The following ZEB1 variants were observed in gnomAD, a reference collection of about 807,000 sequenced individuals.
The protein encoded by ZEB1 is zinc finger E-box-binding homeobox 1.
In ZEB1, 21 loss-of-function variants were observed where a neutral mutation model predicts 84.9. The observed-to-expected ratio is 0.25, with a 90% CI of 0.18 to 0.36. The LOEUF is 0.36. Among genes scored for constraint, ZEB1 ranks in the 10% least tolerant of loss-of-function variants. The pLI, the probability that ZEB1 is intolerant of heterozygous loss-of-function variation, is 1.00. For missense variants in ZEB1, 1,104 were observed against 1,330.2 expected (o/e 0.83, Z 2.65); for synonymous variants, 420 against 471.1 (o/e 0.89, Z 1.41).
chr10:31,461,273 A>G (rs558879783), intron 2 of ZEB1, 36 bp downstream of exon 2: 10 of 1,556,754 alleles, frequency 6.4e-6, no homozygotes, highest in South Asian at 3.5e-5. Flanking sequence ...TTGTATTCTC[A>G]TGATTCGTTT....
intron 2 of ZEB1, among the ~76,000 whole-genome samples, chr10:31,487,014 G>A (rs989884159): frequency 6.6e-6 from 1 of 151,270 alleles, no homozygotes; most frequent in African/African-American, 2.4e-5. Context: ...TTGTTGAAAA[G>A]ACTATTCTTT....
At chr10:31,505,911 G>A (rs1243526279) in intron 4 of ZEB1, among the ~76,000 whole-genome samples, 5 of 151,734 alleles carry the variant, frequency 3.3e-5, no homozygotes, top group Admixed American at 3.3e-4. Flanking sequence ...TAGTGCTTTT[G>A]CTATATTTCA....
At chr10:31,319,164 G>C, upstream of ZEB1, 4 of 1,091,338 alleles carry the variant, frequency 3.7e-6, no homozygotes, top group Non-Finnish European at 5.2e-6. Flanking sequence ...GGGTGGAGGC[G>C]GAGGGGTGGG....
intron 1 of ZEB1, among the ~76,000 whole-genome samples, chr10:31,380,075 A>G (rs1041487756): frequency 4.6e-5 from 7 of 152,128 alleles, no homozygotes; most frequent in Non-Finnish European, 8.8e-5. Flanking sequence ...TCAGAATCCA[A>G]CCAAGATCTG....
At chr10:31,408,651 T>C (rs1258484514) in intron 1 of ZEB1, among the ~76,000 whole-genome samples, 1 of 144,910 alleles carries the variant, frequency 6.9e-6, no homozygotes, top group Non-Finnish European at 1.5e-5. Context: ...GGGAAAGGAT[T>C]CCCTATTTAA....
chr10:31,471,585 G>C (rs905838578), intron 2 of ZEB1, among the ~76,000 whole-genome samples: 6 of 141,354 alleles, frequency 4.2e-5, no homozygotes, highest in Non-Finnish European at 3.1e-5. Context: ...CCTACAAAGA[G>C]ACTTAGACTC....
intron 1 of ZEB1, among the ~76,000 whole-genome samples, chr10:31,405,178 A>T (rs77739873): frequency 8.9e-4 from 135 of 152,246 alleles, no homozygotes; most frequent in Non-Finnish European, 1.4e-3. Flanking sequence ...ACGGACATTT[A>T]AAAAAATGTG....
intron 1 of ZEB1, among the ~76,000 whole-genome samples, chr10:31,384,961 C>T (rs542787153): frequency 2.0e-5 from 3 of 152,216 alleles, no homozygotes; most frequent in South Asian, 2.1e-4. Context: ...GTTTTCACCC[C>T]TTCCCCCCAA....
intron 1 of ZEB1, chr10:31,320,300 G>A (rs949169797): frequency 6.6e-6 from 1 of 152,214 alleles, no homozygotes; most frequent in Non-Finnish European, 1.5e-5. Flanking sequence ...TAGAGACCGG[G>A]AAGCACCACA....
intron 5 of ZEB1, among the ~76,000 whole-genome samples, chr10:31,513,240 A>G (rs1466514044): frequency 6.6e-6 from 1 of 152,144 alleles, no homozygotes; most frequent in East Asian, 1.9e-4. Flanking sequence ...ATGCTTGCTG[A>G]TGGATTGGGT....
At chr10:31,503,693 A>C (rs1227699799) in intron 4 of ZEB1, among the ~76,000 whole-genome samples, 1 of 152,026 alleles carries the variant, frequency 6.6e-6, no homozygotes, top group African/African-American at 2.4e-5. Flanking sequence ...CCAAGAATGT[A>C]TGAGAGTTCC....
chr10:31,414,330 T>C (rs1205326399), intron 1 of ZEB1, among the ~76,000 whole-genome samples: 1 of 152,144 alleles, frequency 6.6e-6, no homozygotes, highest in African/African-American at 2.4e-5. Context: ...ATTAAATGCA[T>C]TGTGGTGTTT....
intron 4 of ZEB1, among the ~76,000 whole-genome samples, chr10:31,505,247 T>C (rs1027791967): frequency 6.6e-6 from 1 of 152,100 alleles, no homozygotes; most frequent in South Asian, 2.1e-4. Flanking sequence ...TGGATAGTTT[T>C]CCTTTTTTTG....
At chr10:31,440,859 G>T (rs898346967) in intron 1 of ZEB1, among the ~76,000 whole-genome samples, 2 of 152,094 alleles carry the variant, frequency 1.3e-5, no homozygotes, top group South Asian at 2.1e-4. Context: ...GGGACGTGAA[G>T]GACCTCTTCA....
At chr10:31,389,200 C>G (rs999645832) in intron 1 of ZEB1, among the ~76,000 whole-genome samples, 2 of 151,938 alleles carry the variant, frequency 1.3e-5, no homozygotes, top group Non-Finnish European at 2.9e-5. Flanking sequence ...AATAACTTAT[C>G]CATCTCAATT....
chr10:31,376,881 G>A (rs912631615), intron 1 of ZEB1, among the ~76,000 whole-genome samples: 1 of 151,474 alleles, frequency 6.6e-6, no homozygotes, highest in Non-Finnish European at 1.5e-5. Flanking sequence ...ATAAAGTTGT[G>A]CCAACGGAAA....
intron 8 of ZEB1, among the ~76,000 whole-genome samples, chr10:31,525,051 T>A (rs1420659847): frequency 6.6e-6 from 1 of 152,248 alleles, no homozygotes; most frequent in Non-Finnish European, 1.5e-5. Context: ...ATTTTGTTTT[T>A]ACATTTTTAA....
chr10:31,341,041 A>G (rs1354884576), intron 1 of ZEB1, among the ~76,000 whole-genome samples: 1 of 152,148 alleles, frequency 6.6e-6, no homozygotes, highest in Non-Finnish European at 1.5e-5. Context: ...AAATCATGGA[A>G]GCTTTTTAAA....
intron 2 of ZEB1, among the ~76,000 whole-genome samples, chr10:31,489,368 GA>G (rs2066180694): frequency 6.6e-6 from 1 of 151,096 alleles, no homozygotes; most frequent in Non-Finnish European, 1.5e-5. Context: ...TATAATTGAA[GA>G]AATTTTTGTA....
Sources: gnomAD v4.1 joint callset for allele counts (sites outside exome capture counted in the v4.1 genomes callset) on GRCh38, gnomAD v4.1.1 for gene constraint, MANE v1.5 for transcripts, NCBI Gene and HGNC (gene_info 2026-07-23, HGNC 2026-07-21) for gene names.